The following ATRX variants were observed in gnomAD, a reference collection of about 807,000 sequenced individuals.
ATRX encodes the protein chromatin remodeler ATRX.
In ATRX, 12 loss-of-function variants were observed where a neutral mutation model predicts 172.6. The observed-to-expected ratio is 0.07, with a 90% CI of 0.04 to 0.11. The LOEUF is 0.11. ATRX is among the 10% of genes least tolerant of loss of function. The pLI is 1.00. For missense variants in ATRX, 1,368 were observed against 1,767.4 expected, an observed-to-expected ratio of 0.77 and a Z score of 4.05; for synonymous variants, 674 against 594.7, an observed-to-expected ratio of 1.13 and a Z score of -1.94.
chrX:77,703,305 A>T (rs978133709), intron 2 of ATRX, among the ~76,000 whole-genome samples: 14 of 112,932 alleles, frequency 1.2e-4, no homozygotes, highest in African/African-American at 4.5e-4. Flanking sequence ...GTCCTATGAT[A>T]GCCAAGGAAG....
rs1812609923 is a variant in ATRX at position 77,600,321 on chromosome X, CATAGA to C, written c.5697+108_5697+112del. ...AGACATATAGAAATTAGAAATAAGA[CATAGA>C]ATAGAACAAAGCAATAGAAAATTTG... On this transcript the variant is annotated intron_variant, in intron 23 of 34. Coordinates refer to ENST00000373344, the MANE Select transcript of ATRX (RefSeq NM_000489.6). 1.6e-5 allele frequency: 14 copies of C among 873,648 alleles called. No homozygotes were observed. In the Middle Eastern group the frequency reaches 9.5e-4, roughly 59 times the overall value. The allele number at this position is 873,648 out of a possible 1,213,427, so 72.0% of individuals were successfully genotyped here.
In ATRX at chrX:77,504,917, G is replaced by GTA. The variant is rs2062683500; in HGVS notation, c.*3432_*3433dup. ...AAAACTTTATTCACCCCATATAATA[G>GTA]TATATATAAAATGTTGTGAAGATGA... is the stretch of plus-strand genomic sequence containing the variant. On this transcript the variant is annotated 3_prime_UTR_variant, in exon 35 of 35. Coordinates refer to ENST00000373344, the MANE Select transcript of ATRX (RefSeq NM_000489.6). 6.7e-6 allele frequency: 1 copy of GTA among 148,552 alleles called. No individual in the cohort carries two copies. Among genetic ancestry groups the GTA allele is most frequent in the Non-Finnish European group, 1.3e-5 (1 of 75,759 alleles). The allele number at this position is 148,552 out of a possible 1,213,427, so 12.2% of individuals were successfully genotyped here.
At chrX:77,665,695 G>T (rs900255831) in intron 10 of ATRX, among the ~76,000 whole-genome samples, 4 of 112,068 alleles carry the variant, frequency 3.6e-5, no homozygotes, top group African/African-American at 1.3e-4. Context: ...TTTTGTGCAA[G>T]ACAAGATGTT....
chrX:77,602,350 T>C (rs2066711775), intron 22 of ATRX, among the ~76,000 whole-genome samples: 1 of 110,544 alleles, frequency 9.0e-6, no homozygotes, highest in South Asian at 3.8e-4. Context: ...ACTTTGTAAG[T>C]GAAGGAAGGT....
rs550644618 is a variant in ATRX at position 77,625,366 on chromosome X, A to T, written c.5135-4834T>A. Reference sequence around the variant, plus strand: ...TTTCATGGTCAAGAACCCAAAAGCAAATGCAATAAAAACAAAGATAAATAG... The same window carrying T: ...TTTCATGGTCAAGAACCCAAAAGCATATGCAATAAAAACAAAGATAAATAG... On this transcript the variant is annotated intron_variant, in intron 19 of 34. Transcript: ENST00000373344. 2.7e-4 allele frequency among the ~76,000 whole-genome samples: 30 copies of T among 112,715 alleles called. No homozygotes were observed. The South Asian group carries it at 9.8e-3, about 37-fold the overall frequency.
At chrX:77,775,429 T>A (rs2076314313) in intron 1 of ATRX, among the ~76,000 whole-genome samples, 1 of 111,516 alleles carries the variant, frequency 9.0e-6, no homozygotes, top group Non-Finnish European at 1.9e-5. Flanking sequence ...ATGCCTATAA[T>A]CCCAGCACTT....
Position 77,600,305 on chromosome X carries a change from GA to G in ATRX, c.5697+128del, listed in dbSNP as rs1276715706. The G allele has an allele frequency of 2.3e-5, 18 of 787,865 alleles. No individual in the cohort carries two copies. The East Asian group carries it at 5.6e-4, about 24-fold the overall frequency. The allele number at this position is 787,865 out of a possible 1,213,427, so 64.9% of individuals were successfully genotyped here. ...AATCATAATACATGCAAGACATATAGAAATTAGAAATAAGACATAGAATAGA... is the reference window on the plus strand; with the variant it reads ...AATCATAATACATGCAAGACATATAGAATTAGAAATAAGACATAGAATAGA... On this transcript the variant is annotated intron_variant, in intron 23 of 34. Coordinates refer to ENST00000373344, the MANE Select transcript of ATRX (RefSeq NM_000489.6).
At chrX:77,677,690 T>C (rs1165695679) in intron 9 of ATRX, among the ~76,000 whole-genome samples, 2 of 108,795 alleles carry the variant, frequency 1.8e-5, no homozygotes, top group Admixed American at 9.9e-5. Context: ...TACAAATTTC[T>C]GTGGATTTAT....
Position 77,533,437 on chromosome X carries a change from T to C in ATRX, c.6700-10036A>G, listed in dbSNP as rs570322967. The stretch of plus-strand genomic sequence containing the variant: ...TGGTACATATACCAGATGGTACATA[T>C]ACACACTATGCAGCCATAAAAAGGA... On this transcript the variant is annotated intron_variant, in intron 30 of 34. Transcript: ENST00000373344. Among the ~76,000 whole-genome samples the C allele has an allele frequency of 2.5e-4, 28 of 112,277 alleles. No individual in the cohort carries two copies. In the South Asian group the frequency reaches 9.3e-3, roughly 37 times the overall value.
intron 30 of ATRX, among the ~76,000 whole-genome samples, chrX:77,553,395 C>T (rs1167604719): frequency 2.7e-5 from 3 of 111,623 alleles, no homozygotes; most frequent in African/African-American, 9.8e-5. Context: ...CTGATCCATC[C>T]TCCACACTGA....
chrX:77,543,386 G>A (rs782307438), intron 30 of ATRX, among the ~76,000 whole-genome samples: 1 of 112,064 alleles, frequency 8.9e-6, no homozygotes, highest in African/African-American at 3.2e-5. Flanking sequence ...AACCATTATG[G>A]AAGACAATGT....
In ATRX at chrX:77,683,201, A is replaced by C; in HGVS notation, c.2055T>G (p.Val685=). 1 of 1,210,361 alleles carries C rather than the reference A, an allele frequency of 8.3e-7. No homozygotes were observed. Among genetic ancestry groups the C allele is most frequent in the Non-Finnish European group, 1.1e-6 (1 of 894,486 alleles). ...GAACTGATAGTTTTTGTTTCTCCTT[A>C]ACTGTTTCATTACATTCTTCATCTG... ...SNSDEECNET[V]KEKQKLSVPV... Residue 685 remains valine, a synonymous_variant, in exon 9 of 35, where the codon GTT becomes GTG. Transcript: ENST00000373344.
intron 26 of ATRX, among the ~76,000 whole-genome samples, chrX:77,590,986 GTA>G (rs2066227934): frequency 8.9e-6 from 1 of 112,290 alleles, no homozygotes; most frequent in South Asian, 3.6e-4. Context: ...AAGTATTTCA[GTA>G]ATTTAAAATT....
chrX:77,741,565 G>A (rs2074872696), intron 1 of ATRX, among the ~76,000 whole-genome samples: 1 of 111,107 alleles, frequency 9.0e-6, no homozygotes, highest in Admixed American at 9.6e-5. Flanking sequence ...ATGCTCAAGT[G>A]ATTCTCCTGC....
At chrX:77,754,378 AT>A (rs1325504857) in intron 1 of ATRX, among the ~76,000 whole-genome samples, 1 of 111,655 alleles carries the variant, frequency 9.0e-6, no homozygotes, top group Non-Finnish European at 1.9e-5. Context: ...TGATCCTGTC[AT>A]TATGATGCTA....
At chrX:77,549,158 G>A (rs1313473898) in intron 30 of ATRX, among the ~76,000 whole-genome samples, 1 of 111,524 alleles carries the variant, frequency 9.0e-6, no homozygotes, top group Non-Finnish European at 1.9e-5. Context: ...ACCGAGGTGG[G>A]TCGATCACTT....
intron 7 of ATRX, among the ~76,000 whole-genome samples, chrX:77,687,610 G>A (rs45609534): frequency 0.016 from 1,808 of 111,563 alleles, 41 homozygotes; most frequent in African/African-American, 0.057. Flanking sequence ...AAACAGAAAG[G>A]CAAATACATG....
At chrX:77,703,574 T>C (rs781999274) in intron 2 of ATRX, among the ~76,000 whole-genome samples, 6 of 112,470 alleles carry the variant, frequency 5.3e-5, no homozygotes, top group South Asian at 3.7e-4. Context: ...CAGCCCTGGC[T>C]TGGGGAGCTC....
At chrX:77,716,568 C>G (rs1437888693) in intron 2 of ATRX, among the ~76,000 whole-genome samples, 2 of 107,417 alleles carry the variant, frequency 1.9e-5, no homozygotes, top group African/African-American at 6.8e-5. Context: ...CAGGGTGAAA[C>G]CCAGTCTCTA....
Sources: gnomAD v4.1 joint callset for allele counts (sites outside exome capture counted in the v4.1 genomes callset) on GRCh38, gnomAD v4.1.1 for gene constraint, MANE v1.5 for transcripts, NCBI Gene and HGNC (gene_info 2026-07-23, HGNC 2026-07-21) for gene names.